Variants in NFKB1 observed in about 807,000 individuals in gnomAD.
NFKB1 encodes nuclear factor NF-kappa-B p105 subunit.
NFKB1 carries 9 observed loss-of-function variants against 105.1 expected under a neutral mutation model. The ratio of observed to expected loss-of-function variants is 0.09; its 90% CI spans 0.05 to 0.15. The LOEUF (loss-of-function observed/expected upper bound fraction) is 0.15. Ranked by LOEUF, NFKB1 falls within the 10% of genes least tolerant of loss-of-function variation. The pLI is 1.00. For missense variants in NFKB1, 830 were observed against 1,203.7 expected, an observed-to-expected ratio of 0.69 and a Z score of 4.59; for synonymous variants, 440 against 442.2, an observed-to-expected ratio of 1.00 and a Z score of 0.06.
chr4:102,529,783 C>A, intron 2 of NFKB1, 53 bp from the exon 3 acceptor site: 2 of 1,357,666 alleles, frequency 1.5e-6, no homozygotes, highest in Non-Finnish European at 2.0e-6. Context: ...TCAAATTTTT[C>A]ATATAATATA....
chr4:102,534,470 C>T (rs752133052), intron 4 of NFKB1, among the ~76,000 whole-genome samples: 52 of 152,132 alleles, frequency 3.4e-4, no homozygotes, highest in Non-Finnish European at 6.5e-4. Flanking sequence ...TCAGGTGCTT[C>T]CCCTTACCAC....
chr4:102,503,581 C>T (rs919878350), intron 1 of NFKB1: 1 of 152,134 alleles, frequency 6.6e-6, no homozygotes, highest in African/African-American at 2.4e-5. Context: ...TTGGCACTCA[C>T]TTGTGCTGAG....
chr4:102,514,749 A>G (rs1483170785), intron 1 of NFKB1, among the ~76,000 whole-genome samples: 3 of 151,974 alleles, frequency 2.0e-5, no homozygotes, highest in Admixed American at 6.6e-5. Flanking sequence ...TTTTTGCTTC[A>G]TGTATTTTGA....
At chr4:102,518,216 G>A (rs1740330054) in intron 1 of NFKB1, among the ~76,000 whole-genome samples, 1 of 152,206 alleles carries the variant, frequency 6.6e-6, no homozygotes, top group Non-Finnish European at 1.5e-5. Context: ...ATTGCTTTTA[G>A]ATAGAGAGGT....
At chr4:102,613,354 C>A in intron 22 of NFKB1, 71 bp from the exon 23 acceptor site, 2 of 1,510,892 alleles carry the variant, frequency 1.3e-6, no homozygotes, top group Admixed American at 1.8e-5. Flanking sequence ...GAAGGGTGGG[C>A]TGTCAGTGCT....
rs1725072866 is a variant in NFKB1, at chr4:102,578,771, G to GA, written c.572-105dup. 1.6e-5 allele frequency: 18 copies of GA among 1,160,076 alleles called. No individual in the cohort carries two copies. The South Asian group carries it at 2.6e-4, about 17-fold the overall frequency. The allele number at this position is 1,160,076 out of a possible 1,614,324, so 71.9% of individuals were successfully genotyped here. Reference sequence around the variant, plus strand: ...AGCAATATGAAGAGTTTCAAAAGAGGAAAAATGGGTTTTTATTGTAAGTTT... The same window carrying GA: ...AGCAATATGAAGAGTTTCAAAAGAGGAAAAAATGGGTTTTTATTGTAAGTTT... On this transcript the variant is annotated intron_variant, in intron 7 of 23. Coordinates refer to ENST00000226574, the MANE Select transcript of NFKB1 (RefSeq NM_003998.4).
At chr4:102,511,948 A>G (rs1739811333) in intron 1 of NFKB1, among the ~76,000 whole-genome samples, 1 of 152,186 alleles carries the variant, frequency 6.6e-6, no homozygotes, top group South Asian at 2.1e-4. Flanking sequence ...ATGTATGTCA[A>G]TTCTGTGACT....
At chr4:102,538,917 TAG>T (rs1358973973) in intron 5 of NFKB1, among the ~76,000 whole-genome samples, 1 of 152,080 alleles carries the variant, frequency 6.6e-6, no homozygotes, top group Non-Finnish European at 1.5e-5. Flanking sequence ...TGAAGCTCAG[TAG>T]AGCAGGCCCT....
intron 2 of NFKB1, among the ~76,000 whole-genome samples, chr4:102,526,325 A>G (rs1219626675): frequency 6.6e-6 from 1 of 152,080 alleles, no homozygotes; most frequent in African/African-American, 2.4e-5. Flanking sequence ...ATGACAGACC[A>G]TGGAGATTCA....
At chr4:102,613,838 C>A (rs1355951692) in intron 23 of NFKB1, among the ~76,000 whole-genome samples, 2 of 152,150 alleles carry the variant, frequency 1.3e-5, no homozygotes, top group African/African-American at 4.8e-5. Context: ...ATACTAAAAA[C>A]AACATGATGT....
rs4648050 is a variant in NFKB1, at chr4:102,593,584, T to A, written c.1210+16T>A. 3.7e-6 allele frequency: 6 copies of A among 1,602,518 alleles called. No homozygotes were observed. Among genetic ancestry groups the A allele is most frequent in the South Asian group, 1.1e-5 (1 of 89,566 alleles). On this transcript the variant is annotated intron_variant, in intron 12 of 23. Transcript: ENST00000226574. Reference sequence around the variant, plus strand: ...ACAGGTCCAGGTACAAAAATACTTATTCTTCCTAAAACTTTTTCATATTGG... The same window carrying A: ...ACAGGTCCAGGTACAAAAATACTTAATCTTCCTAAAACTTTTTCATATTGG...
intron 2 of NFKB1, among the ~76,000 whole-genome samples, chr4:102,526,378 T>G (rs1393637109): frequency 6.6e-6 from 1 of 152,092 alleles, no homozygotes; most frequent in Non-Finnish European, 1.5e-5. Context: ...GGGTGGATGA[T>G]AAGAAGTTAC....
intron 1 of NFKB1, among the ~76,000 whole-genome samples, chr4:102,512,251 C>T (rs977166687): frequency 1.3e-5 from 2 of 152,226 alleles, no homozygotes; most frequent in Admixed American, 6.5e-5. Flanking sequence ...GAAGTATTCA[C>T]ATCTGATGTT....
At chr4:102,517,744 G>T (rs1740294960) in intron 1 of NFKB1, among the ~76,000 whole-genome samples, 1 of 152,142 alleles carries the variant, frequency 6.6e-6, no homozygotes, top group African/African-American at 2.4e-5. Flanking sequence ...TGCTATTGAG[G>T]TAGAAAAGAT....
intron 1 of NFKB1, among the ~76,000 whole-genome samples, chr4:102,522,458 G>C (rs1409030143): frequency 6.6e-6 from 1 of 152,172 alleles, no homozygotes; most frequent in Non-Finnish European, 1.5e-5. Flanking sequence ...TCATGGGGAG[G>C]ATATTGAAGG....
chr4:102,602,913 G>A (rs547327390), intron 16 of NFKB1, among the ~76,000 whole-genome samples: 1 of 152,300 alleles, frequency 6.6e-6, no homozygotes, highest in South Asian at 2.1e-4. Context: ...TTGGCTGATT[G>A]TTCCTTGTAG....
At chr4:102,591,110 G>A (rs1004861937) in intron 11 of NFKB1, among the ~76,000 whole-genome samples, 1 of 152,190 alleles carries the variant, frequency 6.6e-6, no homozygotes, top group Non-Finnish European at 1.5e-5. Context: ...GCAAGGTGAA[G>A]CAACAAATGC....
At chr4:102,579,127 A>G in intron 8 of NFKB1, 88 bp downstream of exon 8, 2 of 1,364,648 alleles carry the variant, frequency 1.5e-6, no homozygotes, top group Non-Finnish European at 2.0e-6. Flanking sequence ...GTCCTGGGGA[A>G]GGTAACTTAA....
In NFKB1 at chr4:102,509,902, A is replaced by T. The variant is rs555737052; in HGVS notation, c.-8+8114A>T. ...GTCAGCTTTCTAAAGTGTAAATCGG[A>T]TCATGTCTCTGCAGTGAATCCCAGT... On this transcript the variant is annotated intron_variant, in intron 1 of 23. Transcript: ENST00000226574. Among the ~76,000 whole-genome samples the T allele has an allele frequency of 2.0e-5, 3 of 152,200 alleles. No individual in the cohort carries two copies. In the East Asian group the frequency reaches 5.8e-4, roughly 29 times the overall value.
Sources: allele counts gnomAD v4.1 joint callset (sites outside exome capture counted in the v4.1 genomes callset), GRCh38; gene constraint gnomAD v4.1.1; transcripts MANE v1.5; gene names NCBI Gene and HGNC (gene_info 2026-07-23, HGNC 2026-07-21).